Variants in BIN3 observed in about 807,000 individuals in gnomAD.
BIN3 encodes bridging integrator 3.
BIN3 carries 41 observed loss-of-function variants against 38.2 expected under a neutral mutation model. That is an observed-to-expected ratio of 1.07 (90% CI 0.84 to 1.39). The LOEUF (loss-of-function observed/expected upper bound fraction) is 1.39, where lower values mean the gene tolerates loss of function less well. Ranked by LOEUF, BIN3 falls within the 40% of genes most tolerant of loss-of-function variation. The pLI, the probability that BIN3 is intolerant of heterozygous loss-of-function variation, is 0.00. For missense variants in BIN3, 361 were observed against 324.3 expected (o/e 1.11, Z -0.87); for synonymous variants, 145 against 122.6 (o/e 1.18, Z -1.21).
intron 1 of BIN3, among the ~76,000 whole-genome samples, chr8:22,655,484 C>T (rs117764402): frequency 0.011 from 1,601 of 152,278 alleles, 16 homozygotes; most frequent in Admixed American, 0.018. Context: ...CAACTTCATT[C>T]CTTGGCAAGT....
intron 1 of BIN3, among the ~76,000 whole-genome samples, chr8:22,646,118 T>C (rs967224191): frequency 6.6e-6 from 1 of 152,138 alleles, no homozygotes; most frequent in African/African-American, 2.4e-5. Flanking sequence ...AACGAGTAGA[T>C]TAAACTAGGT....
intron 4 of BIN3, among the ~76,000 whole-genome samples, chr8:22,636,241 T>C (rs748375451): frequency 5.3e-5 from 8 of 152,156 alleles, no homozygotes; most frequent in Non-Finnish European, 8.8e-5. Context: ...TCTGAGGCAA[T>C]GGAGGCATCT....
At position 22,620,999 on chromosome 8, in the gene BIN3, T is replaced by G. The variant is rs1367777326; in HGVS notation, c.*423A>C. The G allele has an allele frequency of 1.3e-5, 2 of 156,122 alleles. No homozygotes were observed. The highest frequency in any genetic ancestry group is 1.4e-5 in the Non-Finnish European group (1 of 71,164). 9.7% of individuals were successfully genotyped at this position (156,122 alleles called of 1,614,324 possible). A position where few individuals can be genotyped will look rare whatever the true frequency, so the allele number is the denominator to read the frequency against. ...CAGGGCCTCTCCCAGAAAAAAGAGGTTTTGAAGTGAAAAGGCAACGAGGGG... is the reference window on the plus strand; with the variant it reads ...CAGGGCCTCTCCCAGAAAAAAGAGGGTTTGAAGTGAAAAGGCAACGAGGGG... On this transcript the variant is annotated 3_prime_UTR_variant, in exon 9 of 9. Transcript: ENST00000276416.
At chr8:22,636,627 C>T (rs1193215355) in intron 3 of BIN3, 41 bp from the exon 4 acceptor site, 3 of 1,545,590 alleles carry the variant, frequency 1.9e-6, no homozygotes, top group Admixed American at 3.9e-5. Flanking sequence ...CCCCTTCCTT[C>T]CCCCTACCTG....
At chr8:22,648,757 A>C (rs1365158618) in intron 1 of BIN3, among the ~76,000 whole-genome samples, 7 of 152,188 alleles carry the variant, frequency 4.6e-5, no homozygotes, top group Non-Finnish European at 1.0e-4. Context: ...ATTCAATATC[A>C]GTATGGACTC....
At chr8:22,630,112 G>A (rs1802141678) in intron 5 of BIN3, 108 bp from the exon 6 acceptor site, 2 of 1,223,158 alleles carry the variant, frequency 1.6e-6, no homozygotes, top group African/African-American at 1.5e-5. Flanking sequence ...GGGCCACAGG[G>A]TGCTGTCCTT....
intron 1 of BIN3, among the ~76,000 whole-genome samples, chr8:22,660,290 T>C (rs933132342): frequency 6.6e-6 from 1 of 152,134 alleles, no homozygotes; most frequent in African/African-American, 2.4e-5. Context: ...GGGTAGAAAA[T>C]GGGTTTGCAT....
At chr8:22,636,500 G>A in intron 4 of BIN3, 25 bp downstream of exon 4, 2 of 1,551,168 alleles carry the variant, frequency 1.3e-6, no homozygotes, top group Non-Finnish European at 1.7e-6. Flanking sequence ...GCTCAAGCGA[G>A]TGGTGCGGGT....
chr8:22,655,658 C>T (rs1585201721), intron 1 of BIN3, among the ~76,000 whole-genome samples: 1 of 152,208 alleles, frequency 6.6e-6, no homozygotes, highest in African/African-American at 2.4e-5. Context: ...ACACAACCTT[C>T]ATTACTGTAG....
intron 2 of BIN3, among the ~76,000 whole-genome samples, chr8:22,639,126 G>C (rs1256971648): frequency 1.3e-5 from 2 of 152,244 alleles, no homozygotes; most frequent in African/African-American, 4.8e-5. Flanking sequence ...TTTGGTGTCA[G>C]CCTGGTTTTC....
At chr8:22,622,898 T>G (rs985027698) in intron 8 of BIN3, among the ~76,000 whole-genome samples, 5 of 152,216 alleles carry the variant, frequency 3.3e-5, no homozygotes, top group Non-Finnish European at 7.3e-5. Context: ...ACCAAGTACG[T>G]GGGTCACTGA....
Position 22,624,045 on chromosome 8 carries a change from C to A in BIN3, c.485G>T (p.Arg162Leu), listed in dbSNP as rs565479777. 8 of 1,536,620 alleles carry A rather than the reference C, an allele frequency of 5.2e-6. No homozygotes were observed. In the East Asian group the frequency reaches 7.8e-5, roughly 15 times the overall value. Residue 162 changes from arginine (R) to leucine (L), a missense_variant, in exon 8 of 9, where the codon CGA becomes CTA. Arg to Leu is a moderately radical substitution (Grantham distance 102). Coordinates refer to ENST00000276416, the MANE Select transcript of BIN3 (RefSeq NM_018688.6). ...GPVLAKLHQAREELRPVREDF... is the reference protein window; with the variant it reads ...GPVLAKLHQALEELRPVREDF... ...CTCCCGCACAGGCCGCAGCTCCTCT[C>A]GTGCCTAGGGAACAAGACCTGGGTG...
chr8:22,644,548 G>A, intron 2 of BIN3: 1 of 553,980 alleles, frequency 1.8e-6, no homozygotes, highest in Non-Finnish European at 3.3e-6. Flanking sequence ...AAAGAGCCCA[G>A]GCTAACCTTT....
chr8:22,635,211 C>T (rs1802330514), intron 4 of BIN3, among the ~76,000 whole-genome samples: 8 of 152,184 alleles, frequency 5.3e-5, no homozygotes. Context: ...CCTCCCTTGA[C>T]CCTGTCACTC....
chr8:22,636,569 C>T lies in BIN3; in HGVS notation c.116G>A (p.Arg39Gln), dbSNP rs563888712. 4.3e-5 allele frequency: 67 copies of T among 1,552,424 alleles called. No homozygotes were observed. The highest frequency in any genetic ancestry group is 3.1e-4 in the South Asian group (26 of 84,104). ...CTTCTTCATGTCTTTCTGCAGCCTC[C>T]GGGTCTGCTCTTCCAGCCTGCAAGG... ...GKLQQLEEQT[R>Q]RLQKDMKKST... Residue 39 changes from arginine (R) to glutamine (Q), a missense_variant, in exon 4 of 9, where the codon CGG (arginine) becomes CAG (glutamine). By Grantham distance (43) the Arg-to-Gln change is conservative. Coordinates refer to ENST00000276416, the MANE Select transcript of BIN3 (RefSeq NM_018688.6).
At chr8:22,649,812 A>AACAC (rs571224082) in intron 1 of BIN3, among the ~76,000 whole-genome samples, 27 of 89,152 alleles carry the variant, frequency 3.0e-4, no homozygotes, top group Non-Finnish European at 4.7e-4. Flanking sequence ...CGCAAAGGAC[A>AACAC]ACACACACAC....
chr8:22,657,965 G>A (rs912772641), intron 1 of BIN3, among the ~76,000 whole-genome samples: 1 of 152,216 alleles, frequency 6.6e-6, no homozygotes, highest in Non-Finnish European at 1.5e-5. Context: ...GCCCAACTGG[G>A]CTTCGGGACT....
chr8:22,629,803 G>C (rs1004208607), intron 6 of BIN3, 161 bp downstream of exon 6: 2 of 724,948 alleles, frequency 2.8e-6, no homozygotes, highest in African/African-American at 3.5e-5. Flanking sequence ...GAGCATGGAC[G>C]CTTAGGCCAC....
intron 6 of BIN3, among the ~76,000 whole-genome samples, chr8:22,628,161 C>T (rs905980249): frequency 1.3e-5 from 2 of 152,226 alleles, no homozygotes; most frequent in Admixed American, 6.5e-5. Context: ...CCCACGCAGC[C>T]GGGAGCTTCC....
Sources: allele counts gnomAD v4.1 joint callset (sites outside exome capture counted in the v4.1 genomes callset), GRCh38; gene constraint gnomAD v4.1.1; transcripts MANE v1.5; gene names NCBI Gene and HGNC (gene_info 2026-07-23, HGNC 2026-07-21).